LYRM2: variants seen among roughly 807,000 people sequenced by gnomAD.
LYRM2 encodes the protein LYR motif containing 2.
LYRM2 carries 8 observed loss-of-function variants against 11.6 expected under a neutral mutation model. That is an observed-to-expected ratio of 0.69 (90% CI 0.40 to 1.24). The LOEUF (loss-of-function observed/expected upper bound fraction) is 1.24, where lower values mean the gene tolerates loss of function less well. Among genes scored for constraint, LYRM2 ranks in the 50% most tolerant of loss-of-function variants. The pLI, the probability that LYRM2 is intolerant of heterozygous loss-of-function variation, is 0.01. For synonymous variants in LYRM2, 30 were observed against 36.4 expected, an observed-to-expected ratio of 0.83 and a Z score of 0.63; for missense variants, 117 against 102.9, an observed-to-expected ratio of 1.14 and a Z score of -0.59.
chr6:89,637,675 TAAAA>T (rs543524750), intron 2 of LYRM2, 63 bp downstream of exon 2: 16 of 1,281,974 alleles, frequency 1.2e-5, no homozygotes, highest in Non-Finnish European at 1.6e-5. Flanking sequence ...CTGCTAAACT[TAAAA>T]AAAAAAATTC....
At chr6:89,638,118 G>T (rs189856384) in intron 1 of LYRM2, among the ~76,000 whole-genome samples, 1 of 152,236 alleles carries the variant, frequency 6.6e-6, no homozygotes, top group Non-Finnish European at 1.5e-5. Context: ...CTAAGCTGAG[G>T]TAAGCCTTCA....
rs1178799641 is a variant in LYRM2, at chr6:89,633,719, G to A, written c.*3554C>T. Reference sequence around the variant, plus strand: ...TGTGGAGTCAAGTGTTGATATACTTGAGGCATGTTATGTGTCTTCTAATTA... The same window carrying A: ...TGTGGAGTCAAGTGTTGATATACTTAAGGCATGTTATGTGTCTTCTAATTA... On this transcript the variant is annotated 3_prime_UTR_variant, in exon 3 of 3. Transcript: ENST00000523377. The A allele has an allele frequency of 6.6e-6, 1 of 152,192 alleles. No homozygotes were observed. The highest frequency in any genetic ancestry group is 1.5e-5 in the Non-Finnish European group (1 of 68,032). 9.4% of individuals were successfully genotyped at this position (152,192 alleles called of 1,614,324 possible). A position where few individuals can be genotyped will look rare whatever the true frequency, so the allele number is the denominator to read the frequency against.
chr6:89,638,577 G>A, intron 1 of LYRM2, 95 bp downstream of exon 1: 2 of 1,602,362 alleles, frequency 1.2e-6, no homozygotes, highest in East Asian at 2.2e-5. Context: ...CGCCGCATCA[G>A]GACCCCGGAA....
At chr6:89,638,405 G>A in intron 1 of LYRM2, 1 of 1,405,226 alleles carries the variant, frequency 7.1e-7, no homozygotes, top group Non-Finnish European at 9.3e-7. Flanking sequence ...GACTTTTACC[G>A]TGGGCACTGG....
intron 1 of LYRM2, 169 bp downstream of exon 1, chr6:89,638,503 C>A: frequency 6.6e-7 from 1 of 1,525,934 alleles, no homozygotes; most frequent in Non-Finnish European, 8.8e-7. Flanking sequence ...CCAGTGCCTC[C>A]CGTCAGGCCC....
At position 89,638,721 on chromosome 6, in the gene LYRM2, A is replaced by G. The variant is rs778252588; in HGVS notation, c.-5T>C. 1 of 1,613,900 alleles carries G rather than the reference A, an allele frequency of 6.2e-7. No homozygotes were observed. Among genetic ancestry groups the G allele is most frequent in the Non-Finnish European group, 8.5e-7 (1 of 1,179,934 alleles). ...GGGTAAGCGGGAAGCAGCCATGTCC[A>G]CCAGAGGTCCGCCGGAGCCTCAGCG... is the stretch of plus-strand genomic sequence containing the variant. On this transcript the variant is annotated 5_prime_UTR_variant, in exon 1 of 3. Coordinates refer to ENST00000523377, the MANE Select transcript of LYRM2 (RefSeq NM_020466.5).
Position 89,633,855 on chromosome 6 carries a change from T to TAATA in LYRM2, c.*3417_*3418insTATT, listed in dbSNP as rs1216216600. On this transcript the variant is annotated 3_prime_UTR_variant, in exon 3 of 3. Transcript: ENST00000523377. The stretch of plus-strand genomic sequence containing the variant: ...TGAATACTTTGTTTAGCTTACATTT[T>TAATA]AATTTATTGTGGTTGACCACATTTT... The TAATA allele has an allele frequency of 6.6e-6, 1 of 152,270 alleles. No homozygotes were observed. Among genetic ancestry groups the TAATA allele is most frequent in the African/African-American group, 2.4e-5 (1 of 41,476 alleles). The allele number at this position is 152,270 out of a possible 1,614,324, so 9.4% of individuals were successfully genotyped here. A position where few individuals can be genotyped will look rare whatever the true frequency, so the allele number is the denominator to read the frequency against.
intron 1 of LYRM2, chr6:89,638,332 A>G: frequency 2.5e-6 from 3 of 1,208,850 alleles, no homozygotes; most frequent in Non-Finnish European, 3.1e-6. Context: ...CACTTTTTCT[A>G]AATTAACAGT....
At position 89,638,725 on chromosome 6, in the gene LYRM2, G is replaced by A; in HGVS notation, c.-9C>T. On this transcript the variant is annotated 5_prime_UTR_variant, in exon 1 of 3. Coordinates refer to ENST00000523377, the MANE Select transcript of LYRM2 (RefSeq NM_020466.5). ...AAGCGGGAAGCAGCCATGTCCACCA[G>A]AGGTCCGCCGGAGCCTCAGCGCGCA... 6.2e-7 allele frequency: 1 copy of A among 1,614,000 alleles called. No individual in the cohort carries two copies. Among genetic ancestry groups the A allele is most frequent in the Non-Finnish European group, 8.5e-7 (1 of 1,179,934 alleles).
At position 89,632,270 on chromosome 6, in the gene LYRM2, AAAAC is replaced by A. The variant is rs1005681281; in HGVS notation, c.*4999_*5002del. On this transcript the variant is annotated 3_prime_UTR_variant, in exon 3 of 3. Transcript: ENST00000523377. ...ATTTATTAACATGGGGACACCAAGA[AAAAC>A]AAAGTATGCTTTTATTCCCTTTGTC... 4 of 152,264 alleles carry A rather than the reference AAAAC, an allele frequency of 2.6e-5. No homozygotes were observed. The highest frequency in any genetic ancestry group is 5.9e-5 in the Non-Finnish European group (4 of 68,048). 9.4% of individuals were successfully genotyped at this position (152,264 alleles called of 1,614,324 possible).
At chr6:89,638,605 A>C in intron 1 of LYRM2, 67 bp downstream of exon 1, 1 of 1,610,568 alleles carries the variant, frequency 6.2e-7, no homozygotes, top group Non-Finnish European at 8.5e-7. Flanking sequence ...CGTTGGGGAT[A>C]GGGACAGATG....
chr6:89,638,744 G>C lies in LYRM2; in HGVS notation c.-28C>G. 6.2e-7 allele frequency: 1 copy of C among 1,611,848 alleles called. No individual in the cohort carries two copies. Among genetic ancestry groups the C allele is most frequent in the Non-Finnish European group, 8.5e-7 (1 of 1,178,992 alleles). ...CCACCAGAGGTCCGCCGGAGCCTCA[G>C]CGCGCAGGAGCGGAAGTGGGGTTCG... On this transcript the variant is annotated 5_prime_UTR_variant, in exon 1 of 3. Coordinates refer to ENST00000523377, the MANE Select transcript of LYRM2 (RefSeq NM_020466.5).
chr6:89,637,592 A>G, intron 2 of LYRM2, 150 bp downstream of exon 2: 1 of 723,042 alleles, frequency 1.4e-6, no homozygotes, highest in Non-Finnish European at 2.2e-6. Flanking sequence ...TTTTAAAATA[A>G]TAATTTAAAA....
chr6:89,638,070 G>T (rs549692214), intron 1 of LYRM2, among the ~76,000 whole-genome samples, 188 bp from the exon 2 acceptor site: 1 of 152,182 alleles, frequency 6.6e-6, no homozygotes, highest in South Asian at 2.1e-4. Flanking sequence ...CAGCACTTTG[G>T]GAGGCCAAGA....
rs574659440 is a variant in LYRM2 at position 89,634,929 on chromosome 6, C to G, written c.*2344G>C. ...TCCTGAGTAGCTGGAATTACAGGCA[C>G]GTGCCACCAGGTTAGGCTAGCTAGT... On this transcript the variant is annotated 3_prime_UTR_variant, in exon 3 of 3. Coordinates refer to ENST00000523377, the MANE Select transcript of LYRM2 (RefSeq NM_020466.5). 6.6e-6 allele frequency: 1 copy of G among 152,038 alleles called. No homozygotes were observed. Among genetic ancestry groups the G allele is most frequent in the Non-Finnish European group, 1.5e-5 (1 of 68,050 alleles). The allele number at this position is 152,038 out of a possible 1,614,324, so 9.4% of individuals were successfully genotyped here.
intron 1 of LYRM2, chr6:89,638,342 T>C: frequency 8.1e-7 from 1 of 1,229,946 alleles, no homozygotes; most frequent in Non-Finnish European, 1.0e-6. Context: ...AAATTAACAG[T>C]TGTTCAAATC....
intron 1 of LYRM2, 108 bp downstream of exon 1, chr6:89,638,564 G>A (rs1388086870): frequency 1.1e-5 from 18 of 1,592,966 alleles, no homozygotes; most frequent in Admixed American, 3.4e-5. Context: ...CAGAGGGCGC[G>A]CACGCCGCAT....
rs1156984198 is a variant in LYRM2 at position 89,637,850 on chromosome 6, G to A, written c.78C>T (p.Tyr26=). 5.0e-6 allele frequency: 8 copies of A among 1,613,974 alleles called. No homozygotes were observed. Among genetic ancestry groups the A allele is most frequent in the African/African-American group, 2.7e-5 (2 of 74,912 alleles). Residue 26 remains tyrosine (Y), a synonymous_variant, in exon 2 of 3, where the codon TAC becomes TAT. Coordinates refer to ENST00000523377, the MANE Select transcript of LYRM2 (RefSeq NM_020466.5). ...FVRRQQVLLL[Y]RRILQTIRQV... is the part of the protein sequence containing the mutation. ...GCCGAATTGTTTGCAAAATCCTTCT[G>A]TAGAGGAGAAGAACTTGTTGCCTTC...
At position 89,634,235 on chromosome 6, in the gene LYRM2, T is replaced by G. The variant is rs1304127737; in HGVS notation, c.*3038A>C. On this transcript the variant is annotated 3_prime_UTR_variant, in exon 3 of 3. Transcript: ENST00000523377. Reference sequence around the variant, plus strand: ...GACAAAACCAGTTTGAAAAACCTTTTGTATTCTACAATACCTTTTATGAGT... The same window carrying G: ...GACAAAACCAGTTTGAAAAACCTTTGGTATTCTACAATACCTTTTATGAGT... The G allele has an allele frequency of 1.3e-5, 2 of 152,276 alleles. No individual in the cohort carries two copies. Among genetic ancestry groups the G allele is most frequent in the African/African-American group, 4.8e-5 (2 of 41,476 alleles). 9.4% of individuals were successfully genotyped at this position (152,276 alleles called of 1,614,324 possible).
Sources: allele counts gnomAD v4.1 joint callset (sites outside exome capture counted in the v4.1 genomes callset), GRCh38; gene constraint gnomAD v4.1.1; transcripts MANE v1.5; gene names NCBI Gene and HGNC (gene_info 2026-07-23, HGNC 2026-07-21).